ADGRB3: variants seen among roughly 807,000 people sequenced by gnomAD.
ADGRB3 encodes the protein brain-specific angiogenesis inhibitor 3.
A neutral mutation model predicts 193.4 loss-of-function variants in ADGRB3; 37 were observed. The observed-to-expected ratio is 0.19, with a 90% CI of 0.15 to 0.25. The LOEUF is 0.25. Among genes scored for constraint, ADGRB3 ranks in the 10% least tolerant of loss-of-function variants. The pLI is 1.00. For missense variants in ADGRB3, 1,637 were observed against 1,852.9 expected (o/e 0.88, Z 2.14); for synonymous variants, 690 against 644.2 (o/e 1.07, Z -1.08).
rs900431182 is a variant in ADGRB3, at chr6:69,191,043, A to G, written c.2481-42247A>G. Among the ~76,000 whole-genome samples, 8 of 152,312 alleles carry G rather than the reference A, an allele frequency of 5.3e-5. No homozygotes were observed. In the South Asian group the frequency reaches 8.3e-4, roughly 16 times the overall value. ...TCTTTATCATTACATTAAGTGACAC[A>G]TGACTGTATTTGTATGGTGTTGTTG... On this transcript the variant is annotated intron_variant, in intron 17 of 31. Coordinates refer to ENST00000370598, the MANE Select transcript of ADGRB3 (RefSeq NM_001704.3).
chr6:68,935,144 G>T lies in ADGRB3; in HGVS notation c.869-1375G>T, dbSNP rs148429420. On this transcript the variant is annotated intron_variant, in intron 4 of 31. Coordinates refer to ENST00000370598, the MANE Select transcript of ADGRB3 (RefSeq NM_001704.3). ...GTGGTTAGTGGATCAGTGTTTGTCC[G>T]CAAACTGGCCGTTATGGTCTCTCAA... 4.6e-5 allele frequency among the ~76,000 whole-genome samples: 7 copies of T among 152,254 alleles called. No individual in the cohort carries two copies. The South Asian group carries it at 1.2e-3, about 27-fold the overall frequency.
chr6:68,714,456 A>G (rs1765457915), intron 3 of ADGRB3, among the ~76,000 whole-genome samples: 1 of 151,798 alleles, frequency 6.6e-6, no homozygotes, highest in Admixed American at 6.6e-5. Context: ...TATTTTGCCT[A>G]ATAGCCGATC....
At chr6:69,023,122 T>C (rs1191261100) in intron 13 of ADGRB3, among the ~76,000 whole-genome samples, 1 of 152,074 alleles carries the variant, frequency 6.6e-6, no homozygotes, top group Non-Finnish European at 1.5e-5. Flanking sequence ...TACTCTCCCA[T>C]TGACTATGTT....
chr6:69,349,720 AAATTACAAAT>A (rs1264912972), intron 26 of ADGRB3, among the ~76,000 whole-genome samples: 4 of 152,218 alleles, frequency 2.6e-5, no homozygotes, highest in African/African-American at 7.2e-5. Context: ...CCCGAAGGAA[AAATTACAAAT>A]AATTACAAGA....
chr6:69,198,439 G>C (rs962242881), intron 17 of ADGRB3, among the ~76,000 whole-genome samples: 1 of 152,074 alleles, frequency 6.6e-6, no homozygotes, highest in South Asian at 2.1e-4. Flanking sequence ...AGAAAAAGTA[G>C]GGTGAAAAGA....
At chr6:68,658,274 C>CT (rs913045372) in intron 3 of ADGRB3, among the ~76,000 whole-genome samples, 7 of 151,214 alleles carry the variant, frequency 4.6e-5, no homozygotes, top group African/African-American at 1.7e-4. Flanking sequence ...TACCACCACT[C>CT]TGTAAAGATA....
intron 16 of ADGRB3, among the ~76,000 whole-genome samples, chr6:69,063,616 G>T (rs11751150): frequency 1.1e-4 from 16 of 152,020 alleles, no homozygotes; most frequent in Admixed American, 7.9e-4. Flanking sequence ...GGAGTGGGTA[G>T]CGTGTAGAAA....
intron 26 of ADGRB3, among the ~76,000 whole-genome samples, chr6:69,341,404 T>C (rs1156709108): frequency 6.6e-6 from 1 of 152,242 alleles, no homozygotes; most frequent in Non-Finnish European, 1.5e-5. Context: ...GTTGGCTGCA[T>C]AAATGTCTTA....
rs202142740 is a variant in ADGRB3, at chr6:68,823,482, C to T, written c.758-107077C>T. 4.6e-5 allele frequency among the ~76,000 whole-genome samples: 7 copies of T among 151,944 alleles called. No homozygotes were observed. The East Asian group carries it at 1.4e-3, about 29-fold the overall frequency. On this transcript the variant is annotated intron_variant, in intron 3 of 31. Coordinates refer to ENST00000370598, the MANE Select transcript of ADGRB3 (RefSeq NM_001704.3). ...TTTATTATAACAATGTAAATGCTTA[C>T]TAAGGTAATGCAGAAGATAATATGT...
chr6:68,813,753 G>A (rs1465242505), intron 3 of ADGRB3, among the ~76,000 whole-genome samples: 1 of 151,944 alleles, frequency 6.6e-6, no homozygotes, highest in African/African-American at 2.4e-5. Context: ...TCCCCTTCCT[G>A]TGTCCATGTG....
At chr6:68,923,408 T>C (rs2150243221) in intron 3 of ADGRB3, among the ~76,000 whole-genome samples, 1 of 152,196 alleles carries the variant, frequency 6.6e-6, no homozygotes, top group Non-Finnish European at 1.5e-5. Context: ...ATTACCTAAA[T>C]ACCAGTGTTT....
intron 20 of ADGRB3, among the ~76,000 whole-genome samples, chr6:69,277,155 C>A (rs1767320685): frequency 6.6e-6 from 1 of 151,856 alleles, no homozygotes; most frequent in African/African-American, 2.4e-5. Flanking sequence ...CCACCATGCC[C>A]AGCTAATATT....
At chr6:68,866,565 G>T (rs1765302690) in intron 3 of ADGRB3, among the ~76,000 whole-genome samples, 1 of 152,184 alleles carries the variant, frequency 6.6e-6, no homozygotes, top group African/African-American at 2.4e-5. Context: ...CTTTGGAACT[G>T]GATAACAGGA....
intron 17 of ADGRB3, among the ~76,000 whole-genome samples, chr6:69,128,197 T>G (rs1244684100): frequency 1.3e-5 from 2 of 152,198 alleles, no homozygotes; most frequent in Non-Finnish European, 2.9e-5. Flanking sequence ...CATCTTCTTA[T>G]GTTCACTGTC....
intron 6 of ADGRB3, among the ~76,000 whole-genome samples, chr6:68,948,193 T>G (rs1767823357): frequency 6.6e-6 from 1 of 152,212 alleles, no homozygotes. Context: ...CTTTGTGAGT[T>G]GCACTGTGAC....
chr6:69,168,940 T>G (rs1326563114), intron 17 of ADGRB3, among the ~76,000 whole-genome samples: 1 of 152,120 alleles, frequency 6.6e-6, no homozygotes, highest in Admixed American at 6.6e-5. Context: ...TCAACTTATT[T>G]TTATTTTTTT....
chr6:69,050,743 A>G (rs1412383458), intron 15 of ADGRB3, among the ~76,000 whole-genome samples: 2 of 152,210 alleles, frequency 1.3e-5, no homozygotes, highest in East Asian at 3.8e-4. Context: ...TTTCATTTCA[A>G]TTAAACATGT....
chr6:69,380,908 A>G (rs1769933663), intron 30 of ADGRB3, among the ~76,000 whole-genome samples: 1 of 151,914 alleles, frequency 6.6e-6, no homozygotes, highest in Non-Finnish European at 1.5e-5. Flanking sequence ...TCTCAGAAAA[A>G]TGTCAGTACA....
chr6:68,917,182 G>A (rs1039776338), intron 3 of ADGRB3, among the ~76,000 whole-genome samples: 1 of 152,066 alleles, frequency 6.6e-6, no homozygotes, highest in African/African-American at 2.4e-5. Context: ...ACATGGAGTT[G>A]GGAGAAAGAT....
Sources: allele counts gnomAD v4.1 joint callset (sites outside exome capture counted in the v4.1 genomes callset), GRCh38; gene constraint gnomAD v4.1.1; transcripts MANE v1.5; gene names NCBI Gene and HGNC (gene_info 2026-07-23, HGNC 2026-07-21).